The following SEM1 variants were observed in gnomAD, a reference collection of about 807,000 sequenced individuals.
The protein encoded by SEM1 is 26S proteasome complex subunit SEM1.
SEM1 carries 3 observed loss-of-function variants against 12.7 expected under a neutral mutation model. The observed-to-expected ratio is 0.24, with a 90% CI of 0.11 to 0.61. The LOEUF (loss-of-function observed/expected upper bound fraction) is 0.61, where lower values mean the gene tolerates loss of function less well. Among genes scored for constraint, SEM1 ranks in the 20% least tolerant of loss-of-function variants. The pLI, the probability that SEM1 is intolerant of heterozygous loss-of-function variation, is 0.88. For missense variants in SEM1, 59 were observed against 81.3 expected (o/e 0.73, Z 1.06); for synonymous variants, 30 against 27.8 (o/e 1.08, Z -0.25).
intron 2 of SEM1, among the ~76,000 whole-genome samples, chr7:96,518,423 C>G (rs1423550093): frequency 6.6e-6 from 1 of 152,060 alleles, no homozygotes; most frequent in Non-Finnish European, 1.5e-5. Flanking sequence ...ATAATGTTGT[C>G]ATTAAGTCAA....
At chr7:96,537,218 T>A (rs781054551) in intron 2 of SEM1, among the ~76,000 whole-genome samples, 3 of 151,754 alleles carry the variant, frequency 2.0e-5, no homozygotes, top group Non-Finnish European at 3.0e-5. Flanking sequence ...TGGCCCCTTG[T>A]GACATTGTTG....
At chr7:96,648,443 C>T (rs1194491478) in intron 2 of SEM1, among the ~76,000 whole-genome samples, 1 of 152,144 alleles carries the variant, frequency 6.6e-6, no homozygotes, top group African/African-American at 2.4e-5. Flanking sequence ...AATTTCTGAC[C>T]ACTTGCTATG....
chr7:96,661,026 C>T (rs1788985745), intron 2 of SEM1, among the ~76,000 whole-genome samples: 1 of 152,130 alleles, frequency 6.6e-6, no homozygotes, highest in Non-Finnish European at 1.5e-5. Flanking sequence ...AACTATTTCT[C>T]AGACCTCTTT....
chr7:96,667,333 G>C (rs1789196907), intron 2 of SEM1, among the ~76,000 whole-genome samples: 1 of 152,162 alleles, frequency 6.6e-6, no homozygotes. Context: ...GAATCCTGGA[G>C]TCTCAGCCAA....
intron 2 of SEM1, among the ~76,000 whole-genome samples, chr7:96,603,151 T>C (rs1056042687): frequency 6.6e-6 from 1 of 152,188 alleles, no homozygotes; most frequent in African/African-American, 2.4e-5. Flanking sequence ...TTTAAAGCAA[T>C]ATGCTGGGCT....
chr7:96,688,927 T>C lies in SEM1; in HGVS notation c.210A>G (p.Ser70=). The C allele has an allele frequency of 1.3e-6, 2 of 1,593,942 alleles. No homozygotes were observed. Among genetic ancestry groups the C allele is most frequent in the Non-Finnish European group, 1.7e-6 (2 of 1,163,140 alleles). Residue 70 remains serine (S), a synonymous_variant, in exon 3 of 3, where the codon TCA becomes TCG. Transcript: ENST00000248566. ...LEKHGYKMET[S] ...ACTTCAACACTTCTTCTGGATGCTA[T>C]GAAGTCTCCATCTTATAACCATGTT...
intron 2 of SEM1, among the ~76,000 whole-genome samples, chr7:96,635,459 G>T (rs530183373): frequency 6.6e-6 from 1 of 152,076 alleles, no homozygotes; most frequent in East Asian, 1.9e-4. Flanking sequence ...AAATGTGCCC[G>T]CATGCTGGCA....
chr7:96,560,465 T>C (rs1462357226), intron 2 of SEM1, among the ~76,000 whole-genome samples: 1 of 152,194 alleles, frequency 6.6e-6, no homozygotes, highest in Non-Finnish European at 1.5e-5. Context: ...TGTCTTTTAG[T>C]ATACTTTTCT....
intron 2 of SEM1, among the ~76,000 whole-genome samples, chr7:96,570,277 T>C (rs1187449397): frequency 6.6e-6 from 1 of 151,926 alleles, no homozygotes; most frequent in Non-Finnish European, 1.5e-5. Flanking sequence ...ACATGTGCCA[T>C]GGTGGTCTGC....
At chr7:96,668,397 C>T (rs1346956824) in intron 2 of SEM1, among the ~76,000 whole-genome samples, 1 of 152,088 alleles carries the variant, frequency 6.6e-6, no homozygotes. Flanking sequence ...CACCTCATCA[C>T]AATTATTCTT....
chr7:96,488,882 C>G (rs1357867092), intron 1 of SEM1, among the ~76,000 whole-genome samples: 4 of 152,000 alleles, frequency 2.6e-5, no homozygotes, highest in African/African-American at 9.7e-5. Context: ...AGCCAGTTTT[C>G]TAATAATTGA....
intron 2 of SEM1, among the ~76,000 whole-genome samples, chr7:96,665,056 T>C (rs1584847265): frequency 6.6e-6 from 1 of 152,144 alleles, no homozygotes; most frequent in African/African-American, 2.4e-5. Flanking sequence ...GGGCTCAGCA[T>C]TGGCATCTGG....
chr7:96,568,726 A>G (rs1024034820), intron 2 of SEM1, among the ~76,000 whole-genome samples: 3 of 151,878 alleles, frequency 2.0e-5, no homozygotes, highest in Non-Finnish European at 1.5e-5. Flanking sequence ...AGCTCCTAAC[A>G]TTTAAAAATT....
At chr7:96,607,652 G>T (rs986664234) in intron 2 of SEM1, among the ~76,000 whole-genome samples, 2 of 152,110 alleles carry the variant, frequency 1.3e-5, no homozygotes, top group African/African-American at 2.4e-5. Context: ...GCCATCCCCA[G>T]CTGCCCACAA....
chr7:96,558,377 G>C (rs886246893), intron 2 of SEM1: 1 of 152,276 alleles, frequency 6.6e-6, no homozygotes, highest in African/African-American at 2.4e-5. Flanking sequence ...TGCATGTGAC[G>C]GTGCCGGATT....
chr7:96,538,822 A>G (rs147800733), intron 2 of SEM1, among the ~76,000 whole-genome samples: 11 of 151,858 alleles, frequency 7.2e-5, no homozygotes, highest in African/African-American at 2.2e-4. Context: ...CTCGGCTGAG[A>G]TAGAGCTGCG....
intron 2 of SEM1, among the ~76,000 whole-genome samples, chr7:96,596,433 C>T (rs1327123435): frequency 5.3e-5 from 8 of 152,158 alleles, no homozygotes; most frequent in African/African-American, 1.7e-4. Flanking sequence ...TTCCTCTGGG[C>T]AGCTACTTAT....
intron 2 of SEM1, among the ~76,000 whole-genome samples, chr7:96,545,887 A>G (rs1189474369): frequency 6.6e-6 from 1 of 152,108 alleles, no homozygotes; most frequent in Non-Finnish European, 1.5e-5. Flanking sequence ...CCCATAGTTG[A>G]TATAGCAATG....
chr7:96,506,961 G>T (rs1279592037), intron 2 of SEM1, among the ~76,000 whole-genome samples: 3 of 152,000 alleles, frequency 2.0e-5, no homozygotes, highest in African/African-American at 7.2e-5. Flanking sequence ...TGGACTGCTG[G>T]TTACCTCTTA....
Sources: allele counts gnomAD v4.1 joint callset (sites outside exome capture counted in the v4.1 genomes callset), GRCh38; gene constraint gnomAD v4.1.1; transcripts MANE v1.5; gene names NCBI Gene and HGNC (gene_info 2026-07-23, HGNC 2026-07-21).